The following TRAF3 variants were observed in gnomAD, a reference collection of about 807,000 sequenced individuals.
TRAF3 encodes the protein TNF receptor-associated factor 3.
Under a neutral mutation model 62.3 loss-of-function variants are expected in TRAF3, and 13 were observed. The observed-to-expected ratio is 0.21, with a 90% confidence interval of 0.14 to 0.33. The LOEUF (loss-of-function observed/expected upper bound fraction) is 0.33. TRAF3 is among the 10% of genes least tolerant of loss of function. The pLI is 1.00. For synonymous variants in TRAF3, 269 were observed against 283.4 expected, an observed-to-expected ratio of 0.95 and a Z score of 0.51; for missense variants, 440 against 741.8, an observed-to-expected ratio of 0.59 and a Z score of 4.73.
At chr14:102,794,936 A>G (rs1897990614) in intron 1 of TRAF3, among the ~76,000 whole-genome samples, 1 of 152,162 alleles carries the variant, frequency 6.6e-6, no homozygotes. Context: ...TCCTATTACT[A>G]GTTCATTTTA....
rs78205101 is a variant in TRAF3 at position 102,793,481 on chromosome 14, G to A, written c.-157+15806G>A. Among the ~76,000 whole-genome samples, 661 of 152,274 alleles carry A rather than the reference G, an allele frequency of 4.3e-3. 4 individuals are homozygous for A. Among genetic ancestry groups the A allele is most frequent in the African/African-American group, 0.015 (621 of 41,562 alleles). On this transcript the variant is annotated intron_variant, in intron 1 of 11. Coordinates refer to ENST00000392745, the MANE Select transcript of TRAF3 (RefSeq NM_145725.3). Reference sequence around the variant, plus strand: ...CAGTTGTATTTTGACTGTGCATCATGTTTCTTCAGAATTTTGAAACCTGCC... The same window carrying A: ...CAGTTGTATTTTGACTGTGCATCATATTTCTTCAGAATTTTGAAACCTGCC...
At chr14:102,842,722 G>T (rs1333387113) in intron 2 of TRAF3, among the ~76,000 whole-genome samples, 3 of 152,144 alleles carry the variant, frequency 2.0e-5, no homozygotes, top group Non-Finnish European at 4.4e-5. Flanking sequence ...TTTCAAAGCA[G>T]CCAGAAGAAA....
rs1180384334 is a variant in TRAF3 at position 102,875,550 on chromosome 14, TG to T, written c.298-73del. On this transcript the variant is annotated intron_variant, in intron 4 of 11. Coordinates refer to ENST00000392745, the MANE Select transcript of TRAF3 (RefSeq NM_145725.3). ...CTTGTTTTTTTTTTTTAAGTGGTTT[TG>T]CCTTGTCCAAAGTAGCAGCATGTGG... 1.5e-4 allele frequency: 205 copies of T among 1,338,904 alleles called. No individual in the cohort carries two copies. In the African/African-American group the frequency reaches 2.8e-3, roughly 19 times the overall value. 82.9% of individuals were successfully genotyped at this position (1,338,904 alleles called of 1,614,324 possible). A position where few individuals can be genotyped will look rare whatever the true frequency, so the allele number is the denominator to read the frequency against.
intron 6 of TRAF3, among the ~76,000 whole-genome samples, chr14:102,877,263 G>A (rs1474309140): frequency 1.4e-5 from 2 of 147,758 alleles, no homozygotes; most frequent in African/African-American, 5.2e-5. Context: ...CATTCCACAG[G>A]CCTTCCGCTC....
At chr14:102,864,916 T>C (rs1887893363) in intron 2 of TRAF3, among the ~76,000 whole-genome samples, 1 of 152,238 alleles carries the variant, frequency 6.6e-6, no homozygotes, top group Non-Finnish European at 1.5e-5. Flanking sequence ...TGGTTGTTAC[T>C]GTCTGCCTCT....
intron 2 of TRAF3, among the ~76,000 whole-genome samples, chr14:102,834,733 T>G (rs975460132): frequency 1.4e-5 from 2 of 142,690 alleles, no homozygotes; most frequent in Non-Finnish European, 3.1e-5. Flanking sequence ...CCCTACACCA[T>G]GCACAAAAAT....
chr14:102,808,959 G>T, intron 1 of TRAF3: 1 of 151,960 alleles, frequency 6.6e-6, no homozygotes, highest in Non-Finnish European at 1.5e-5. Context: ...GGGATTACAG[G>T]TGCGCGCCAT....
chr14:102,802,240 C>G (rs1327132044), intron 1 of TRAF3, among the ~76,000 whole-genome samples: 1 of 143,106 alleles, frequency 7.0e-6, no homozygotes, highest in Non-Finnish European at 1.5e-5. Flanking sequence ...CTGCAACCTC[C>G]GCCTCCCGGG....
intron 1 of TRAF3, among the ~76,000 whole-genome samples, chr14:102,804,243 A>T (rs749703604): frequency 6.6e-6 from 1 of 152,102 alleles, no homozygotes; most frequent in Non-Finnish European, 1.5e-5. Flanking sequence ...GTGTGTGTCT[A>T]CGCAGACTCC....
At chr14:102,846,495 A>G (rs903149773) in intron 2 of TRAF3, among the ~76,000 whole-genome samples, 3 of 151,960 alleles carry the variant, frequency 2.0e-5, no homozygotes, top group Non-Finnish European at 4.4e-5. Flanking sequence ...CTCTAAAGAA[A>G]AGTTTGGAAA....
At chr14:102,866,132 C>T (rs936180320) in intron 2 of TRAF3, among the ~76,000 whole-genome samples, 1 of 152,160 alleles carries the variant, frequency 6.6e-6, no homozygotes, top group Non-Finnish European at 1.5e-5. Context: ...TTTGCAGGGA[C>T]ATGGATGAAG....
At chr14:102,824,995 A>C (rs906393405) in intron 1 of TRAF3, among the ~76,000 whole-genome samples, 2 of 152,236 alleles carry the variant, frequency 1.3e-5, no homozygotes, top group Non-Finnish European at 2.9e-5. Flanking sequence ...TCAGTTGAAA[A>C]TCAACATCAT....
At chr14:102,888,206 C>G (rs900275154) in intron 7 of TRAF3, among the ~76,000 whole-genome samples, 1 of 152,188 alleles carries the variant, frequency 6.6e-6, no homozygotes. Context: ...TTAAATGAAC[C>G]TGGTTCTGCG....
chr14:102,842,613 A>G (rs1400197708), intron 2 of TRAF3, among the ~76,000 whole-genome samples: 1 of 152,158 alleles, frequency 6.6e-6, no homozygotes, highest in African/African-American at 2.4e-5. Flanking sequence ...TGAAAAATGC[A>G]AACTATGAAG....
At chr14:102,818,781 G>A (rs911925761) in intron 1 of TRAF3, among the ~76,000 whole-genome samples, 4 of 152,100 alleles carry the variant, frequency 2.6e-5, no homozygotes, top group Non-Finnish European at 4.4e-5. Flanking sequence ...TGATAATCAT[G>A]TATTGTATAT....
chr14:102,865,876 TATACTAAAATTGGAATG>T (rs1422887545), intron 2 of TRAF3: 1 of 152,234 alleles, frequency 6.6e-6, no homozygotes, highest in Non-Finnish European at 1.5e-5. Flanking sequence ...TGGCAGCACA[TATACTAAAATTGGAATG>T]ATACAGAGAA....
At position 102,906,813 on chromosome 14, in the gene TRAF3, T is replaced by C. The variant is rs1419568137; in HGVS notation, c.*1029T>C. The stretch of plus-strand genomic sequence containing the variant: ...GTGACTGCTGAGGGAGGCCCGCAGG[T>C]GTGTTTCTCCATCCCGTCATCTTGC... On this transcript the variant is annotated 3_prime_UTR_variant, in exon 12 of 12. Coordinates refer to ENST00000392745, the MANE Select transcript of TRAF3 (RefSeq NM_145725.3). The C allele has an allele frequency of 6.6e-6, 1 of 152,114 alleles. No homozygotes were observed. The highest frequency in any genetic ancestry group is 1.5e-5 in the Non-Finnish European group (1 of 68,038). The allele number at this position is 152,114 out of a possible 1,614,324, so 9.4% of individuals were successfully genotyped here.
intron 2 of TRAF3, among the ~76,000 whole-genome samples, 155 bp from the exon 3 acceptor site, chr14:102,870,030 A>G (rs1435311475): frequency 1.3e-5 from 2 of 152,106 alleles, no homozygotes; most frequent in Non-Finnish European, 2.9e-5. Context: ...ATATTTGATC[A>G]TGTTTTGTTC....
chr14:102,823,332 A>C (rs556481930), intron 1 of TRAF3, among the ~76,000 whole-genome samples: 2 of 152,216 alleles, frequency 1.3e-5, no homozygotes, highest in Admixed American at 1.3e-4. Flanking sequence ...TATTTATTTC[A>C]TAGTAGACAG....
Sources: gnomAD v4.1 joint callset for allele counts (sites outside exome capture counted in the v4.1 genomes callset) on GRCh38, gnomAD v4.1.1 for gene constraint, MANE v1.5 for transcripts, NCBI Gene and HGNC (gene_info 2026-07-23, HGNC 2026-07-21) for gene names.